KANK1: variants seen among roughly 807,000 people sequenced by gnomAD.
The protein encoded by KANK1 is KN motif and ankyrin repeat domain-containing protein 1.
Under a neutral mutation model 106.2 loss-of-function variants are expected in KANK1, and 109 were observed. That is an observed-to-expected ratio of 1.03 (90% CI 0.88 to 1.20). KANK1 has a LOEUF of 1.20. KANK1 is among the 50% of genes most tolerant of loss of function. KANK1 has a pLI of 0.00. For missense variants in KANK1, 2,399 were observed against 1,710.7 expected (o/e 1.40, Z -7.10); for synonymous variants, 873 against 652.2 (o/e 1.34, Z -5.16).
At chr9:633,195 C>T (rs1348140840) in intron 1 of KANK1, among the ~76,000 whole-genome samples, 2 of 152,112 alleles carry the variant, frequency 1.3e-5, no homozygotes, top group African/African-American at 2.4e-5. Flanking sequence ...CAGTGGCTCA[C>T]GCCTGCAATC....
At chr9:686,527 G>A (rs1437812827) in intron 2 of KANK1, among the ~76,000 whole-genome samples, 3 of 152,122 alleles carry the variant, frequency 2.0e-5, no homozygotes, top group Non-Finnish European at 4.4e-5. Flanking sequence ...TACACTGGTC[G>A]GGGAGGGAGG....
chr9:567,587 C>G (rs1818118422), intron 1 of KANK1, among the ~76,000 whole-genome samples: 1 of 152,208 alleles, frequency 6.6e-6, no homozygotes, highest in Admixed American at 6.5e-5. Flanking sequence ...GTACCTTCTG[C>G]ATTGATTGGA....
chr9:713,666 G>C (rs1826858515), intron 3 of KANK1, among the ~76,000 whole-genome samples: 1 of 152,166 alleles, frequency 6.6e-6, no homozygotes, highest in Non-Finnish European at 1.5e-5. Context: ...TAGCCTCACT[G>C]GCCTCTGGCT....
At chr9:494,707 C>T (rs2058432623) in intron 3 of KANK1, among the ~76,000 whole-genome samples, 1 of 152,174 alleles carries the variant, frequency 6.6e-6, no homozygotes, top group Non-Finnish European at 1.5e-5. Flanking sequence ...AGCCAAGAAG[C>T]CTTCTCAGAA....
In KANK1 at chr9:671,533, G is replaced by A. The variant is rs1204736763; in HGVS notation, c.-83-5357G>A. On this transcript the variant is annotated intron_variant, in intron 1 of 11. Coordinates refer to ENST00000382297, the MANE Select transcript of KANK1 (RefSeq NM_015158.5). Reference sequence around the variant, plus strand: ...GTGGAGGCTGAGGCAGGAGAATGGCGTGAACCCGGGAGGCGGAGCTTGCAG... The same window carrying A: ...GTGGAGGCTGAGGCAGGAGAATGGCATGAACCCGGGAGGCGGAGCTTGCAG... Among the ~76,000 whole-genome samples the A allele has an allele frequency of 6.2e-4, 12 of 19,314 alleles. 1 individual carries two copies. Among genetic ancestry groups the A allele is most frequent in the Admixed American group, 5.5e-3 (11 of 2,008 alleles). 12.7% of individuals were successfully genotyped at this position (19,314 alleles called of 152,430 possible).
At chr9:478,045 A>T (rs1175359615) in intron 3 of KANK1, 1 of 179,368 alleles carries the variant, frequency 5.6e-6, no homozygotes, top group East Asian at 1.7e-4. Context: ...GAAACTGACC[A>T]TTCAGAACAG....
intron 1 of KANK1, among the ~76,000 whole-genome samples, chr9:601,231 C>T (rs1417977508): frequency 1.3e-5 from 2 of 151,850 alleles, no homozygotes; most frequent in Admixed American, 6.6e-5. Context: ...ATTGAACTAT[C>T]GTTAATATAA....
intron 2 of KANK1, among the ~76,000 whole-genome samples, chr9:681,420 TC>T (rs1426300965): frequency 3.3e-5 from 5 of 152,112 alleles, no homozygotes; most frequent in Non-Finnish European, 1.5e-5. Flanking sequence ...TCCCCAAGTT[TC>T]TGAATCATGT....
intron 3 of KANK1, among the ~76,000 whole-genome samples, chr9:489,456 G>A (rs541238486): frequency 2.0e-5 from 3 of 152,346 alleles, no homozygotes; most frequent in South Asian, 2.1e-4. Context: ...TATAGGTCAT[G>A]CAGTATTTGG....
intron 1 of KANK1, among the ~76,000 whole-genome samples, chr9:578,806 AATC>A (rs1391044772): frequency 6.6e-6 from 1 of 152,144 alleles, no homozygotes; most frequent in Non-Finnish European, 1.5e-5. Context: ...TACTCTACAT[AATC>A]ATTTTCTCCC....
chr9:614,950 TC>T (rs1003274539), intron 1 of KANK1, among the ~76,000 whole-genome samples: 138 of 150,876 alleles, frequency 9.1e-4, no homozygotes, highest in African/African-American at 2.4e-3. Flanking sequence ...ATGGTACCCA[TC>T]CCCCCCCTGC....
At chr9:583,909 C>T (rs1261439322) in intron 1 of KANK1, among the ~76,000 whole-genome samples, 2 of 151,970 alleles carry the variant, frequency 1.3e-5, no homozygotes, top group East Asian at 1.9e-4. Context: ...TAAATCTATA[C>T]AATACAATTT....
In KANK1 at chr9:660,246, G is replaced by T; in HGVS notation, c.-83-16644G>T. Reference sequence around the variant, plus strand: ...TATGGAGGTCATTCAGCTACAGGGTGACCAGCACAAGAACATGTGCCAGTT... The same window carrying T: ...TATGGAGGTCATTCAGCTACAGGGTTACCAGCACAAGAACATGTGCCAGTT... On this transcript the variant is annotated intron_variant, in intron 1 of 11. Transcript: ENST00000382297. The T allele has an allele frequency of 1.2e-5, 3 of 248,132 alleles. No individual in the cohort carries two copies. The South Asian group carries it at 1.9e-4, about 16-fold the overall frequency. 15.4% of individuals were successfully genotyped at this position (248,132 alleles called of 1,614,324 possible).
At chr9:637,356 G>A (rs1312297539) in intron 1 of KANK1, among the ~76,000 whole-genome samples, 3 of 152,146 alleles carry the variant, frequency 2.0e-5, no homozygotes, top group Non-Finnish European at 4.4e-5. Flanking sequence ...GGAGGGTAGG[G>A]TGGCACTTGT....
At chr9:515,285 C>T (rs1027107300) in intron 1 of KANK1, among the ~76,000 whole-genome samples, 26 of 149,654 alleles carry the variant, frequency 1.7e-4, no homozygotes, top group African/African-American at 6.3e-4. Flanking sequence ...GCGGAGCTTG[C>T]AGTGAGCCGA....
At chr9:646,452 G>A (rs1161922618) in intron 1 of KANK1, among the ~76,000 whole-genome samples, 1 of 151,134 alleles carries the variant, frequency 6.6e-6, no homozygotes, top group East Asian at 1.9e-4. Flanking sequence ...AATGGTACAT[G>A]AGTTCTCTCT....
chr9:583,092 A>G (rs149248684), intron 1 of KANK1, among the ~76,000 whole-genome samples: 23 of 152,328 alleles, frequency 1.5e-4, no homozygotes, highest in Non-Finnish European at 2.6e-4. Flanking sequence ...TGCAGAACCT[A>G]GTAACTTGGT....
rs529714233 is a variant in KANK1 at position 554,789 on chromosome 9, A to G, written c.-84+50035A>G. Among the ~76,000 whole-genome samples the G allele has an allele frequency of 1.1e-4, 17 of 152,342 alleles. No individual in the cohort carries two copies. In the South Asian group the frequency reaches 2.7e-3, roughly 24 times the overall value. On this transcript the variant is annotated intron_variant, in intron 1 of 11. Transcript: ENST00000382297. ...ATGCCACTACTAAAAACAGAATCCT[A>G]TAAATAGGATGATGTCTTTTGTTTC...
intron 3 of KANK1, among the ~76,000 whole-genome samples, chr9:477,089 C>T (rs2058118059): frequency 6.6e-6 from 1 of 152,064 alleles, no homozygotes; most frequent in Admixed American, 6.5e-5. Flanking sequence ...TTTCATTACC[C>T]CAGTTGGCAA....
Sources: gnomAD v4.1 joint callset for allele counts (sites outside exome capture counted in the v4.1 genomes callset) on GRCh38, gnomAD v4.1.1 for gene constraint, MANE v1.5 for transcripts, NCBI Gene and HGNC (gene_info 2026-07-23, HGNC 2026-07-21) for gene names.